Variants in CHLSN observed in about 807,000 individuals in gnomAD.
CHLSN encodes protein cholesin.
At chr7:1,078,089 G>T in the CHLSN span, 1 of 152,236 alleles carries the variant, frequency 6.6e-6, no homozygotes. Context: ...GATTGGAAAT[G>T]ACTGAGATTC....
the CHLSN span, chr7:1,026,886 G>A: frequency 1.3e-5 from 2 of 152,230 alleles, no homozygotes; most frequent in Non-Finnish European, 2.9e-5. Context: ...TCGCGTGACA[G>A]GTGTGCTCTG....
chr7:1,008,907 C>CACGCACAT, the CHLSN span, among the ~76,000 whole-genome samples: 5 of 149,286 alleles, frequency 3.3e-5, no homozygotes, highest in South Asian at 1.1e-3. Flanking sequence ...CACACGTACA[C>CACGCACAT]AACACACGTA....
chr7:1,111,517 TG>T, the CHLSN span, among the ~76,000 whole-genome samples: 1 of 152,214 alleles, frequency 6.6e-6, no homozygotes, highest in Non-Finnish European at 1.5e-5. Context: ...TCACAGTTTC[TG>T]GCCAGGTGAG....
the CHLSN span, among the ~76,000 whole-genome samples, chr7:1,082,491 A>C: frequency 6.6e-6 from 1 of 152,342 alleles, no homozygotes. Context: ...GACAAAGTGA[A>C]TGGGGTTAAA....
the CHLSN span, chr7:1,028,520 G>GC: frequency 1.0e-6 from 1 of 985,058 alleles, no homozygotes. Context: ...CCCTGCTGCA[G>GC]CCCCCACTGC....
At chr7:1,103,969 G>GT in the CHLSN span, among the ~76,000 whole-genome samples, 1 of 152,228 alleles carries the variant, frequency 6.6e-6, no homozygotes, top group African/African-American at 2.4e-5. Context: ...TGCCCAGGGA[G>GT]TAAGTTCCCA....
At chr7:995,716 G>A in the CHLSN span, among the ~76,000 whole-genome samples, 4 of 152,278 alleles carry the variant, frequency 2.6e-5, no homozygotes, top group Admixed American at 6.5e-5. Context: ...CTGAAGGTTC[G>A]TGCTGTGCAA....
chr7:1,031,910 C>T, the CHLSN span, among the ~76,000 whole-genome samples: 2 of 152,022 alleles, frequency 1.3e-5, no homozygotes, highest in African/African-American at 2.4e-5. Context: ...ACCCGGGGAA[C>T]GGGCCGAGAG....
the CHLSN span, chr7:1,092,504 G>A: frequency 1.1e-5 from 18 of 1,607,666 alleles, no homozygotes; most frequent in East Asian, 4.5e-5. Flanking sequence ...AAGGCGCTCC[G>A]CATGATCCTC....
At chr7:1,136,674 T>A in the CHLSN span, among the ~76,000 whole-genome samples, 2 of 148,378 alleles carry the variant, frequency 1.3e-5, no homozygotes, top group African/African-American at 4.9e-5. Flanking sequence ...TATATATAAC[T>A]ATATATATAA....
At chr7:1,122,750 C>G in the CHLSN span, among the ~76,000 whole-genome samples, 4 of 152,294 alleles carry the variant, frequency 2.6e-5, no homozygotes, top group South Asian at 8.3e-4. Flanking sequence ...ACTCCTAAAC[C>G]CCAGCTCCCC....
chr7:1,065,437 G>C, the CHLSN span, among the ~76,000 whole-genome samples: 1 of 152,266 alleles, frequency 6.6e-6, no homozygotes, highest in South Asian at 2.1e-4. Context: ...CAGGTGGACA[G>C]ATAAACAGAT....
At chr7:1,022,602 C>T in the CHLSN span, among the ~76,000 whole-genome samples, 4 of 152,208 alleles carry the variant, frequency 2.6e-5, no homozygotes, top group Non-Finnish European at 5.9e-5. Flanking sequence ...GTAGCCAGGA[C>T]CACATTCGGA....
At chr7:997,200 G>A in the CHLSN span, 1 of 158,900 alleles carries the variant, frequency 6.3e-6, no homozygotes, top group Admixed American at 6.5e-5. Context: ...GCCCACGCAG[G>A]GGGATCGGGA....
chr7:1,028,572 C>T, the CHLSN span: 4 of 985,136 alleles, frequency 4.1e-6, no homozygotes, highest in Non-Finnish European at 4.8e-6. Flanking sequence ...CTCCGGTCCA[C>T]CTGCGCGAAC....
chr7:1,016,104 C>G, the CHLSN span, among the ~76,000 whole-genome samples: 1 of 111,196 alleles, frequency 9.0e-6, no homozygotes, highest in Non-Finnish European at 1.8e-5. Context: ...CAGCAGCACA[C>G]AGCAGCGCAC....
the CHLSN span, among the ~76,000 whole-genome samples, chr7:1,007,142 T>C: frequency 1.3e-5 from 2 of 152,006 alleles, no homozygotes; most frequent in African/African-American, 4.8e-5. Context: ...CCCAGAGAGA[T>C]GAGAGGAAAC....
At chr7:1,113,638 G>A in the CHLSN span, among the ~76,000 whole-genome samples, 1 of 152,160 alleles carries the variant, frequency 6.6e-6, no homozygotes, top group African/African-American at 2.4e-5. Flanking sequence ...CTCCTTCCCG[G>A]GCGGCCCTTA....
chr7:1,014,788 G>GCCGGCCACGGCAGCGAT, the CHLSN span, among the ~76,000 whole-genome samples: 8 of 152,196 alleles, frequency 5.3e-5, no homozygotes, highest in African/African-American at 9.7e-5. Flanking sequence ...CACATTGGCC[G>GCCGGCCACGGCAGCGAT]CCGGCCACGG....
Sources: allele counts gnomAD v4.1 joint callset (sites outside exome capture counted in the v4.1 genomes callset), GRCh38; gene constraint gnomAD v4.1.1; transcripts MANE v1.5; gene names NCBI Gene and HGNC (gene_info 2026-07-23, HGNC 2026-07-21).